XYLT1: variants seen among roughly 807,000 people sequenced by gnomAD.
The protein encoded by XYLT1 is xylosyltransferase 1.
A neutral mutation model predicts 91.3 loss-of-function variants in XYLT1; 36 were observed. The observed-to-expected ratio is 0.39, with a 90% CI of 0.30 to 0.52. The LOEUF is 0.52. Ranked by LOEUF, XYLT1 falls within the 20% of genes least tolerant of loss-of-function variation. XYLT1 has a pLI of 0.68. For synonymous variants in XYLT1, 588 were observed against 532.0 expected (o/e 1.11, Z -1.45); for missense variants, 1,242 against 1,284.5 (o/e 0.97, Z 0.51).
chr16:17,195,607 G>A (rs772759339), intron 5 of XYLT1, among the ~76,000 whole-genome samples: 57 of 152,018 alleles, frequency 3.7e-4, no homozygotes, highest in Admixed American at 7.9e-4. Context: ...CACCATGCCC[G>A]GCTCATTTTT....
intron 3 of XYLT1, among the ~76,000 whole-genome samples, chr16:17,214,937 C>G (rs2032827878): frequency 1.3e-5 from 2 of 152,192 alleles, no homozygotes; most frequent in African/African-American, 4.8e-5. Flanking sequence ...GCTGAGGTAT[C>G]CTTTCCTTTT....
intron 6 of XYLT1, among the ~76,000 whole-genome samples, chr16:17,156,366 A>T (rs771176203): frequency 6.6e-6 from 1 of 152,242 alleles, no homozygotes; most frequent in Non-Finnish European, 1.5e-5. Context: ...TCGAGACACA[A>T]CTTTGCACAA....
chr16:17,127,265 A>C (rs1012438826), intron 10 of XYLT1, among the ~76,000 whole-genome samples: 21 of 152,326 alleles, frequency 1.4e-4, no homozygotes, highest in African/African-American at 5.1e-4. Context: ...TAAGCATAGG[A>C]TTTGTGGCCA....
chr16:17,121,261 A>G (rs1185668709), intron 10 of XYLT1, among the ~76,000 whole-genome samples: 1 of 152,224 alleles, frequency 6.6e-6, no homozygotes, highest in African/African-American at 2.4e-5. Flanking sequence ...ACTTCCCTGA[A>G]ATCGAGTTTT....
intron 5 of XYLT1, among the ~76,000 whole-genome samples, chr16:17,177,257 A>G (rs934586695): frequency 8.5e-5 from 13 of 152,150 alleles, no homozygotes; most frequent in Non-Finnish European, 1.8e-4. Context: ...TTAGTTTTAC[A>G]TAAAAGGAGG....
At chr16:17,165,121 C>T (rs1285239965) in intron 5 of XYLT1, among the ~76,000 whole-genome samples, 1 of 152,206 alleles carries the variant, frequency 6.6e-6, no homozygotes, top group Non-Finnish European at 1.5e-5. Flanking sequence ...GCTTAGATCA[C>T]AGCAAGATAA....
chr16:17,464,436 G>T (rs1334864557), intron 1 of XYLT1, among the ~76,000 whole-genome samples: 1 of 147,096 alleles, frequency 6.8e-6, no homozygotes, highest in Non-Finnish European at 1.5e-5. Context: ...AGGTAGCAGT[G>T]AGTCAAGATT....
At chr16:17,303,121 C>CA (rs1421476789) in intron 2 of XYLT1, among the ~76,000 whole-genome samples, 7 of 152,254 alleles carry the variant, frequency 4.6e-5, no homozygotes, top group Admixed American at 4.6e-4. Context: ...CAAGAACTAC[C>CA]ATGTGCAAAG....
chr16:17,370,970 G>A (rs977366200), intron 1 of XYLT1, among the ~76,000 whole-genome samples: 1 of 152,146 alleles, frequency 6.6e-6, no homozygotes, highest in Admixed American at 6.6e-5. Flanking sequence ...GGCTGCTGTG[G>A]GCATTGGTGT....
chr16:17,337,775 C>CAT (rs1555498506), intron 2 of XYLT1, among the ~76,000 whole-genome samples: 1 of 114,216 alleles, frequency 8.8e-6, no homozygotes, highest in Non-Finnish European at 1.7e-5. Context: ...CACATTTTTT[C>CAT]TTTTTCTTTT....
chr16:17,151,964 C>A (rs1350980729), intron 6 of XYLT1, among the ~76,000 whole-genome samples: 1 of 152,204 alleles, frequency 6.6e-6, no homozygotes, highest in South Asian at 2.1e-4. Flanking sequence ...ACATTCTTCA[C>A]AGGGCTCACG....
At chr16:17,317,809 C>G (rs1004339869) in intron 2 of XYLT1, among the ~76,000 whole-genome samples, 4 of 151,824 alleles carry the variant, frequency 2.6e-5, no homozygotes, top group Non-Finnish European at 5.9e-5. Flanking sequence ...TCTGTAATGT[C>G]CCCTCTCTTC....
intron 2 of XYLT1, among the ~76,000 whole-genome samples, chr16:17,310,804 G>A (rs770460459): frequency 2.6e-5 from 4 of 152,114 alleles, no homozygotes; most frequent in South Asian, 2.1e-4. Context: ...AGCCGAGATC[G>A]TGCCACTGCA....
intron 1 of XYLT1, among the ~76,000 whole-genome samples, chr16:17,436,923 A>C (rs1336378976): frequency 6.6e-6 from 1 of 152,180 alleles, no homozygotes; most frequent in Non-Finnish European, 1.5e-5. Flanking sequence ...TCCCAGAGAG[A>C]AAGTCCACAC....
intron 10 of XYLT1, among the ~76,000 whole-genome samples, chr16:17,121,874 C>T (rs957995142): frequency 4.1e-4 from 63 of 152,144 alleles, no homozygotes; most frequent in Admixed American, 2.0e-4. Flanking sequence ...TGAATTACTT[C>T]ATTTAGAATA....
Position 17,102,291 on chromosome 16 carries a change from A to G in XYLT1, c.*6404T>C, listed in dbSNP as rs1001747043. ...ATATGAGATTGTGTAAAGATGCACA[A>G]TGTTGCTGAAAAGAAGCCACATATA... On this transcript the variant is annotated 3_prime_UTR_variant, in exon 12 of 12. Coordinates refer to ENST00000261381, the MANE Select transcript of XYLT1 (RefSeq NM_022166.4). 14 of 152,664 alleles carry G rather than the reference A, an allele frequency of 9.2e-5. No homozygotes were observed. Among genetic ancestry groups the G allele is most frequent in the African/African-American group, 3.1e-4 (13 of 41,474 alleles). The allele number at this position is 152,664 out of a possible 1,614,324, so 9.5% of individuals were successfully genotyped here. A position where few individuals can be genotyped will look rare whatever the true frequency, so the allele number is the denominator to read the frequency against.
chr16:17,400,467 G>A (rs2035948549), intron 1 of XYLT1, among the ~76,000 whole-genome samples: 1 of 152,108 alleles, frequency 6.6e-6, no homozygotes, highest in Admixed American at 6.6e-5. Context: ...GCACGCGCCT[G>A]TAATCCCAGC....
At chr16:17,253,183 T>C (rs1240266892) in intron 3 of XYLT1, among the ~76,000 whole-genome samples, 1 of 152,230 alleles carries the variant, frequency 6.6e-6, no homozygotes, top group Non-Finnish European at 1.5e-5. Flanking sequence ...AGCCGTTTTG[T>C]TCCATGGGAA....
intron 3 of XYLT1, among the ~76,000 whole-genome samples, chr16:17,230,736 G>A (rs751028694): frequency 1.2e-4 from 18 of 152,058 alleles, no homozygotes; most frequent in South Asian, 6.2e-4. Flanking sequence ...TTCATCCTCC[G>A]GTCCCTTCAA....
Sources: gnomAD v4.1 joint callset for allele counts (sites outside exome capture counted in the v4.1 genomes callset) on GRCh38, gnomAD v4.1.1 for gene constraint, MANE v1.5 for transcripts, NCBI Gene and HGNC (gene_info 2026-07-23, HGNC 2026-07-21) for gene names.